Variants in RBFOX1 observed in about 807,000 individuals in gnomAD.
RBFOX1 encodes RNA binding protein fox-1 homolog 1.
In RBFOX1, 8 loss-of-function variants were observed where a neutral mutation model predicts 57.7. The ratio of observed to expected loss-of-function variants is 0.14; its 90% CI spans 0.08 to 0.25. RBFOX1 has a LOEUF of 0.25. Among genes scored for constraint, RBFOX1 ranks in the 10% least tolerant of loss-of-function variants. The pLI is 1.00. For missense variants in RBFOX1, 611 were observed against 548.5 expected, an observed-to-expected ratio of 1.11 and a Z score of -1.14; for synonymous variants, 326 against 222.4, an observed-to-expected ratio of 1.47 and a Z score of -4.15.
At chr16:7,026,660 C>T (rs549015292) in intron 3 of RBFOX1, among the ~76,000 whole-genome samples, 1 of 152,126 alleles carries the variant, frequency 6.6e-6, no homozygotes, top group African/African-American at 2.4e-5. Flanking sequence ...GCTGAAACAA[C>T]CAGAAATACT....
In RBFOX1 at chr16:5,856,115, T is replaced by C. The variant is rs1349733010; in HGVS notation, c.319-11188T>C. On this transcript the variant is annotated intron_variant, in intron 3 of 19. Coordinates refer to the RBFOX1 transcript ENST00000641259. ...ATCCTGCAAATTTACTGAATTTGTA[T>C]ATTATTTCTAAATTTTTTTCCAGGA... Among the ~76,000 whole-genome samples, 9 of 142,572 alleles carry C rather than the reference T, an allele frequency of 6.3e-5. No homozygotes were observed. In the East Asian group the frequency reaches 1.8e-3, roughly 29 times the overall value. The allele number at this position is 142,572 out of a possible 152,430, so 93.5% of individuals were successfully genotyped here.
intron 4 of RBFOX1, among the ~76,000 whole-genome samples, chr16:7,145,194 C>T (rs4786968): frequency 0.74 from 113,166 of 151,932 alleles, 42,247 homozygotes; most frequent in Middle Eastern, 0.81. Context: ...TTTTTTGTTT[C>T]GTTTTGTTTT....
chr16:6,515,336 G>A (rs1043560166), intron 2 of RBFOX1, among the ~76,000 whole-genome samples: 1 of 152,200 alleles, frequency 6.6e-6, no homozygotes, highest in African/African-American at 2.4e-5. Context: ...CATTGCTTAT[G>A]CCAGTCTTCT....
chr16:5,405,599 G>A (rs955610587), intron 1 of RBFOX1, among the ~76,000 whole-genome samples: 2 of 152,172 alleles, frequency 1.3e-5, no homozygotes, highest in African/African-American at 4.8e-5. Flanking sequence ...CTCCATCATA[G>A]ATGCTAAAAA....
At position 6,765,646 on chromosome 16, in the gene RBFOX1, A is replaced by C. The variant is rs887099340; in HGVS notation, c.-16+110996A>C. 1.1e-4 allele frequency among the ~76,000 whole-genome samples: 16 copies of C among 152,184 alleles called. 1 individual carries two copies. The highest frequency in any genetic ancestry group is 1.3e-4 in the Admixed American group (2 of 15,272). On this transcript the variant is annotated intron_variant, in intron 3 of 15. Coordinates refer to ENST00000550418, the MANE Select transcript of RBFOX1 (RefSeq NM_018723.4). ...ATTCGGTACAGCAATCACTCTACCC[A>C]ATACTGGGTCTCTACCCAGAGGAAA...
chr16:7,527,247 C>T (rs1285544684), intron 5 of RBFOX1, among the ~76,000 whole-genome samples: 2 of 152,186 alleles, frequency 1.3e-5, no homozygotes, highest in Non-Finnish European at 1.5e-5. Context: ...ATGCTTCTCA[C>T]TCCCATGTAT....
At chr16:5,831,055 C>T (rs1403898165) in intron 3 of RBFOX1, among the ~76,000 whole-genome samples, 1 of 152,180 alleles carries the variant, frequency 6.6e-6, no homozygotes, top group Non-Finnish European at 1.5e-5. Flanking sequence ...AATATCTGTT[C>T]TCCTTACCCA....
chr16:5,821,048 C>G (rs1244536991), intron 3 of RBFOX1, among the ~76,000 whole-genome samples: 1 of 152,088 alleles, frequency 6.6e-6, no homozygotes, highest in Admixed American at 6.5e-5. Flanking sequence ...CCCTTTCCTT[C>G]CCTAGACATG....
At chr16:6,222,010 T>C (rs1407753591) in intron 1 of RBFOX1, among the ~76,000 whole-genome samples, 1 of 152,164 alleles carries the variant, frequency 6.6e-6, no homozygotes, top group East Asian at 1.9e-4. Flanking sequence ...TGTTTCCTCA[T>C]GTCACTTTTT....
chr16:5,394,818 G>T (rs987324322), intron 1 of RBFOX1, among the ~76,000 whole-genome samples: 7 of 152,088 alleles, frequency 4.6e-5, no homozygotes, highest in African/African-American at 1.7e-4. Context: ...CCAAAATACT[G>T]GGATTACAGG....
At chr16:5,342,587 G>C (rs2065055494) in intron 1 of RBFOX1, among the ~76,000 whole-genome samples, 1 of 152,160 alleles carries the variant, frequency 6.6e-6, no homozygotes, top group Non-Finnish European at 1.5e-5. Context: ...CCATGAAACA[G>C]GGAAAGGACT....
rs149305230 is a variant in RBFOX1 at position 6,792,294 on chromosome 16, T to C, written c.-16+137644T>C. On this transcript the variant is annotated intron_variant, in intron 3 of 15. Coordinates refer to ENST00000550418, the MANE Select transcript of RBFOX1 (RefSeq NM_018723.4). ...GAAGATTACATAAATACATCTAAAGTTTGGAAAACGTTGCTCAGGATGATC... is the reference window on the plus strand; with the variant it reads ...GAAGATTACATAAATACATCTAAAGCTTGGAAAACGTTGCTCAGGATGATC... Among the ~76,000 whole-genome samples the C allele has an allele frequency of 3.3e-5, 5 of 152,318 alleles. No homozygotes were observed. In the East Asian group the frequency reaches 9.6e-4, roughly 29 times the overall value.
chr16:7,180,123 G>A (rs531859428), intron 4 of RBFOX1, among the ~76,000 whole-genome samples: 3 of 151,936 alleles, frequency 2.0e-5, no homozygotes, highest in Non-Finnish European at 4.4e-5. Flanking sequence ...TGATATCCAT[G>A]GTGAATAGTG....
chr16:5,270,482 G>C, intron 1 of RBFOX1: 2 of 672,772 alleles, frequency 3.0e-6, no homozygotes, highest in Non-Finnish European at 5.4e-6. Flanking sequence ...CTATGGCATG[G>C]GTCTTACCTG....
intron 3 of RBFOX1, among the ~76,000 whole-genome samples, chr16:5,666,829 C>T (rs929898097): frequency 1.8e-4 from 27 of 152,132 alleles, no homozygotes; most frequent in African/African-American, 6.0e-4. Context: ...GGGGTAACTC[C>T]GGATTTTCAT....
chr16:7,625,786 T>C (rs1480930049), intron 10 of RBFOX1, among the ~76,000 whole-genome samples: 1 of 152,184 alleles, frequency 6.6e-6, no homozygotes, highest in Admixed American at 6.5e-5. Context: ...CTTTCTTTTC[T>C]TCCTTCCCAT....
In RBFOX1 at chr16:6,097,194, A is replaced by G. The variant is rs756397812; in HGVS notation, c.-127+77202A>G. Among the ~76,000 whole-genome samples the G allele has an allele frequency of 5.1e-4, 77 of 152,110 alleles. No individual in the cohort carries two copies. The highest frequency in any genetic ancestry group is 8.8e-4 in the Non-Finnish European group (60 of 68,030). On this transcript the variant is annotated intron_variant, in intron 1 of 15. Transcript: ENST00000550418. The surrounding 1 kb of genome is among the most constrained non-coding windows in gnomAD (Gnocchi z 5.0). The stretch of plus-strand genomic sequence containing the variant: ...TAAGACGTGACTTTCGCTTTCTGCC[A>G]TGATTGTGAGGCCTCCGTAGCCATG...
chr16:7,004,413 C>T (rs922497194), intron 3 of RBFOX1, among the ~76,000 whole-genome samples: 1 of 152,096 alleles, frequency 6.6e-6, no homozygotes, highest in African/African-American at 2.4e-5. Context: ...CTCAGAGACC[C>T]AAGCTGGTCA....
At chr16:7,504,709 TTATATATATATATATA>T (rs1181491515) in intron 4 of RBFOX1, among the ~76,000 whole-genome samples, 36 of 74,512 alleles carry the variant, frequency 4.8e-4, no homozygotes, top group African/African-American at 3.1e-3. Context: ...TGAAGTGAGA[TTATATATATATATATA>T]TATATATATA....
Sources: gnomAD v4.1 joint callset for allele counts (sites outside exome capture counted in the v4.1 genomes callset) on GRCh38, gnomAD v4.1.1 for gene constraint, Gnocchi (gnomAD v3.1) non-coding constraint, MANE v1.5 for transcripts, NCBI Gene and HGNC (gene_info 2026-07-23, HGNC 2026-07-21) for gene names.